Variants in PCSK5 observed in about 807,000 individuals in gnomAD.
PCSK5 encodes prohormone convertase 5.
In PCSK5, 129 loss-of-function variants were observed where a neutral mutation model predicts 233.2. That is an observed-to-expected ratio of 0.55 (90% CI 0.48 to 0.64). The LOEUF is 0.64. PCSK5 is among the 30% of genes least tolerant of loss of function. The probability of loss-of-function intolerance (pLI) is 0.00; values close to 1 mark genes in which losing one functional copy is unlikely to be tolerated. For synonymous variants in PCSK5, 825 were observed against 879.2 expected, an observed-to-expected ratio of 0.94 and a Z score of 1.09; for missense variants, 2,076 against 2,430.1, an observed-to-expected ratio of 0.85 and a Z score of 3.06.
chr9:76,025,026 C>T (rs1454076602), intron 4 of PCSK5, among the ~76,000 whole-genome samples: 2 of 152,112 alleles, frequency 1.3e-5, no homozygotes, highest in African/African-American at 4.8e-5. Context: ...CACTCTGAAG[C>T]CTTCGTGCTC....
intron 24 of PCSK5, among the ~76,000 whole-genome samples, chr9:76,254,616 C>T (rs986066910): frequency 6.6e-6 from 1 of 152,250 alleles, no homozygotes; most frequent in Non-Finnish European, 1.5e-5. Flanking sequence ...GAACTTGACC[C>T]TTCTTTAGTG....
chr9:76,301,841 G>A (rs1429021319), intron 27 of PCSK5, among the ~76,000 whole-genome samples: 11 of 139,292 alleles, frequency 7.9e-5, no homozygotes, highest in East Asian at 2.0e-4. Flanking sequence ...AAGACTCCTC[G>A]TGGAAAAAAA....
At chr9:75,971,522 A>G (rs933687133) in intron 2 of PCSK5, among the ~76,000 whole-genome samples, 11 of 152,210 alleles carry the variant, frequency 7.2e-5, no homozygotes, top group African/African-American at 2.2e-4. Context: ...GTCTTCCACA[A>G]TGGTTGAACT....
At chr9:76,259,155 C>G (rs539207523) in intron 24 of PCSK5, among the ~76,000 whole-genome samples, 1 of 152,310 alleles carries the variant, frequency 6.6e-6, no homozygotes, top group South Asian at 2.1e-4. Flanking sequence ...TGATGACTGA[C>G]AGATGTGTAC....
At chr9:76,220,839 T>G (rs1430360737) in intron 20 of PCSK5, among the ~76,000 whole-genome samples, 2 of 152,192 alleles carry the variant, frequency 1.3e-5, no homozygotes, top group African/African-American at 4.8e-5. Context: ...AGTCACCATG[T>G]TGTACCATAA....
intron 4 of PCSK5, 80 bp from the exon 5 acceptor site, chr9:76,026,881 A>C: frequency 1.1e-6 from 1 of 917,286 alleles, no homozygotes; most frequent in East Asian, 2.5e-5. Context: ...AATGTATTTA[A>C]AAATGCATGA....
At chr9:76,277,319 G>A (rs1353347362) in intron 24 of PCSK5, among the ~76,000 whole-genome samples, 1 of 152,170 alleles carries the variant, frequency 6.6e-6, no homozygotes, top group African/African-American at 2.4e-5. Flanking sequence ...GTGAATGAAT[G>A]TACAGCGTTA....
chr9:76,308,435 A>T (rs6560510), intron 28 of PCSK5, among the ~76,000 whole-genome samples: 2 of 152,158 alleles, frequency 1.3e-5, no homozygotes, highest in Non-Finnish European at 2.9e-5. Flanking sequence ...CTTGATAATC[A>T]ATTGCAAATG....
chr9:76,275,931 A>G (rs890746463), intron 24 of PCSK5, among the ~76,000 whole-genome samples: 1 of 152,128 alleles, frequency 6.6e-6, no homozygotes, highest in Non-Finnish European at 1.5e-5. Flanking sequence ...TGCCTTTCTC[A>G]TCTATACTCG....
chr9:76,059,529 T>G (rs1829951036), intron 5 of PCSK5, among the ~76,000 whole-genome samples: 1 of 152,202 alleles, frequency 6.6e-6, no homozygotes, highest in South Asian at 2.1e-4. Flanking sequence ...TTGAATTAAT[T>G]TTTGTATAAT....
chr9:76,008,271 T>C (rs1333681550), intron 3 of PCSK5, among the ~76,000 whole-genome samples: 2 of 152,178 alleles, frequency 1.3e-5, no homozygotes, highest in African/African-American at 4.8e-5. Context: ...GTGTTCCTTT[T>C]TTCCTACTTA....
chr9:75,911,014 T>C (rs1188759197), intron 1 of PCSK5, among the ~76,000 whole-genome samples: 1 of 152,118 alleles, frequency 6.6e-6, no homozygotes, highest in Admixed American at 6.6e-5. Flanking sequence ...TGAAGCAACA[T>C]GCAGTGATTT....
chr9:76,196,295 G>A (rs1464038883), intron 20 of PCSK5, among the ~76,000 whole-genome samples: 2 of 152,206 alleles, frequency 1.3e-5, no homozygotes, highest in African/African-American at 4.8e-5. Context: ...GGGGCAAGGA[G>A]GTAGGCAGTG....
chr9:76,339,331 G>T (rs940136510), intron 35 of PCSK5, among the ~76,000 whole-genome samples: 11 of 151,886 alleles, frequency 7.2e-5, no homozygotes, highest in Non-Finnish European at 1.6e-4. Flanking sequence ...GCTATTTTTA[G>T]TTCTTTTATA....
intron 24 of PCSK5, among the ~76,000 whole-genome samples, chr9:76,285,505 T>C (rs1475665222): frequency 6.6e-6 from 1 of 152,062 alleles, no homozygotes; most frequent in Admixed American, 6.5e-5. Context: ...ACCTAGTAGG[T>C]TCTTGCAGTA....
chr9:76,025,949 A>C (rs1828405328), intron 4 of PCSK5, among the ~76,000 whole-genome samples: 1 of 152,124 alleles, frequency 6.6e-6, no homozygotes, highest in African/African-American at 2.4e-5. Context: ...AATAGTAAAA[A>C]AAAAATAACT....
At chr9:76,064,354 G>C (rs1453244831) in intron 5 of PCSK5, among the ~76,000 whole-genome samples, 1 of 114,348 alleles carries the variant, frequency 8.7e-6, no homozygotes, top group Admixed American at 7.7e-5. Flanking sequence ...CTGGCCGGGC[G>C]GGGGGCTGAC....
chr9:75,936,662 G>A (rs1368187068), intron 2 of PCSK5, among the ~76,000 whole-genome samples: 1 of 152,182 alleles, frequency 6.6e-6, no homozygotes, highest in East Asian at 1.9e-4. Flanking sequence ...CACATCTGCA[G>A]TGACTTCCTC....
At position 76,230,733 on chromosome 9, in the gene PCSK5, G is replaced by A. The variant is rs563158148; in HGVS notation, c.2730-2727G>A. Reference sequence around the variant, plus strand: ...TTCTCATAGGAATGTGAACCATATTGTGCACTGCCCATGTGAGGAATCTAG... The same window carrying A: ...TTCTCATAGGAATGTGAACCATATTATGCACTGCCCATGTGAGGAATCTAG... On this transcript the variant is annotated intron_variant, in intron 21 of 37. Transcript: ENST00000674117. Among the ~76,000 whole-genome samples the A allele has an allele frequency of 4.5e-4, 69 of 152,086 alleles. 1 individual carries two copies. In the South Asian group the frequency reaches 0.014, roughly 31 times the overall value.
Sources: gnomAD v4.1 joint callset for allele counts (sites outside exome capture counted in the v4.1 genomes callset) on GRCh38, gnomAD v4.1.1 for gene constraint, MANE v1.5 for transcripts, NCBI Gene and HGNC (gene_info 2026-07-23, HGNC 2026-07-21) for gene names.